Variants in E2F3 observed in about 807,000 individuals in gnomAD.
E2F3 encodes transcription factor E2F3.
In E2F3, 11 loss-of-function variants were observed where a neutral mutation model predicts 44.4. That is an observed-to-expected ratio of 0.25 (90% CI 0.16 to 0.41). E2F3 has a LOEUF of 0.41. E2F3 is among the 10% of genes least tolerant of loss of function. The probability of loss-of-function intolerance (pLI) is 1.00; values close to 1 mark genes in which losing one functional copy is unlikely to be tolerated. For synonymous variants in E2F3, 249 were observed against 253.0 expected, an observed-to-expected ratio of 0.98 and a Z score of 0.15; for missense variants, 487 against 583.6, an observed-to-expected ratio of 0.83 and a Z score of 1.70.
intron 1 of E2F3, among the ~76,000 whole-genome samples, chr6:20,466,168 A>C (rs1415761056): frequency 6.6e-6 from 1 of 152,030 alleles, no homozygotes; most frequent in Non-Finnish European, 1.5e-5. Flanking sequence ...GCTGGAGTGC[A>C]GTGTCGTGAT....
chr6:20,420,248 G>T (rs988064758), intron 1 of E2F3, among the ~76,000 whole-genome samples: 8 of 152,174 alleles, frequency 5.3e-5, no homozygotes, highest in Non-Finnish European at 1.5e-5. Flanking sequence ...TCTATAAAGT[G>T]GGTGTGATTA....
Position 20,493,201 on chromosome 6 carries a change from A to C in E2F3, c.*2771A>C, listed in dbSNP as rs191574805. 5 of 226,578 alleles carry C rather than the reference A, an allele frequency of 2.2e-5. No individual in the cohort carries two copies. The East Asian group carries it at 3.2e-4, about 14-fold the overall frequency. The allele number at this position is 226,578 out of a possible 1,614,324, so 14.0% of individuals were successfully genotyped here. A position where few individuals can be genotyped will look rare whatever the true frequency, so the allele number is the denominator to read the frequency against. ...TCTAGCTGCTTTGTAATTTTTTAAG[A>C]GTGTTATTTTGTTTTTGTTTTTCTG... is the stretch of plus-strand genomic sequence containing the variant. On this transcript the variant is annotated 3_prime_UTR_variant, in exon 7 of 7. Transcript: ENST00000346618.
intron 1 of E2F3, among the ~76,000 whole-genome samples, chr6:20,475,596 G>C (rs1211912272): frequency 1.3e-5 from 2 of 152,188 alleles, no homozygotes; most frequent in Non-Finnish European, 2.9e-5. Flanking sequence ...CCACCTCCCA[G>C]GTTCAAGCAA....
intron 1 of E2F3, among the ~76,000 whole-genome samples, chr6:20,405,113 T>C (rs891394729): frequency 2.0e-5 from 3 of 152,342 alleles, no homozygotes; most frequent in Admixed American, 6.5e-5. Context: ...TATATCTAGT[T>C]CATTGTATTT....
chr6:20,429,543 A>G (rs1294492257), intron 1 of E2F3, among the ~76,000 whole-genome samples: 5 of 152,300 alleles, frequency 3.3e-5, no homozygotes, highest in African/African-American at 9.6e-5. Flanking sequence ...GGGTCTTGGA[A>G]TGTATCCTCG....
intron 1 of E2F3, among the ~76,000 whole-genome samples, chr6:20,450,045 T>C (rs1459042195): frequency 6.6e-6 from 1 of 152,208 alleles, no homozygotes; most frequent in Non-Finnish European, 1.5e-5. Flanking sequence ...GTTGATTCCA[T>C]GTCTTTGCTA....
chr6:20,412,559 G>A (rs1759710259), intron 1 of E2F3, among the ~76,000 whole-genome samples: 1 of 151,986 alleles, frequency 6.6e-6, no homozygotes, highest in African/African-American at 2.4e-5. Flanking sequence ...GGATGTGTTG[G>A]CAAAACTGAT....
At chr6:20,436,066 C>A (rs914072774) in intron 1 of E2F3, among the ~76,000 whole-genome samples, 1 of 151,124 alleles carries the variant, frequency 6.6e-6, no homozygotes, top group African/African-American at 2.4e-5. Flanking sequence ...CTGCAACCTC[C>A]GCCTCCTGGA....
chr6:20,459,146 C>T (rs576182077), intron 1 of E2F3, among the ~76,000 whole-genome samples: 1 of 152,168 alleles, frequency 6.6e-6, no homozygotes, highest in Non-Finnish European at 1.5e-5. Context: ...GTGGCCGACA[C>T]CTGTAATCCC....
At chr6:20,479,022 A>G (rs979442217) in intron 1 of E2F3, among the ~76,000 whole-genome samples, 1 of 152,208 alleles carries the variant, frequency 6.6e-6, no homozygotes, top group Admixed American at 6.5e-5. Context: ...CCCAATGCCT[A>G]GGTACCTAGA....
chr6:20,475,581 A>G (rs1383697379), intron 1 of E2F3, among the ~76,000 whole-genome samples: 6 of 152,152 alleles, frequency 3.9e-5, no homozygotes, highest in Non-Finnish European at 8.8e-5. Flanking sequence ...CGGAGGCACC[A>G]ACCTCCACCT....
intron 1 of E2F3, among the ~76,000 whole-genome samples, chr6:20,414,901 T>A (rs1465847206): frequency 6.6e-6 from 1 of 152,244 alleles, no homozygotes; most frequent in Non-Finnish European, 1.5e-5. Flanking sequence ...TGACCTTTTA[T>A]AAATTACATC....
Position 20,444,422 on chromosome 6 carries a change from A to G in E2F3, c.394-35424A>G, listed in dbSNP as rs187464691. ...TTGAATTCCATTTTTAAGTGCAGCT[A>G]CAGTTGATACCTTAGACAAATGAAA... On this transcript the variant is annotated intron_variant, in intron 1 of 6. Transcript: ENST00000346618. 6.6e-5 allele frequency among the ~76,000 whole-genome samples: 10 copies of G among 152,358 alleles called. No individual in the cohort carries two copies. In the East Asian group the frequency reaches 1.9e-3, roughly 29 times the overall value.
intron 1 of E2F3, among the ~76,000 whole-genome samples, chr6:20,412,229 G>A (rs1374538740): frequency 2.0e-5 from 3 of 152,182 alleles, no homozygotes; most frequent in Admixed American, 6.5e-5. Flanking sequence ...GCTGGGCCGT[G>A]AGATGGGGAG....
chr6:20,440,568 A>G (rs1019458209), intron 1 of E2F3, among the ~76,000 whole-genome samples: 5 of 152,218 alleles, frequency 3.3e-5, no homozygotes, highest in African/African-American at 1.2e-4. Context: ...TACCAGTAGA[A>G]AAAAGGCTGT....
intron 6 of E2F3, among the ~76,000 whole-genome samples, chr6:20,488,555 A>C (rs1762464561): frequency 1.3e-5 from 2 of 152,226 alleles, no homozygotes; most frequent in Admixed American, 1.3e-4. Flanking sequence ...CATCAGAGAC[A>C]CTTGGCCACA....
Position 20,402,515 on chromosome 6 carries a change from G to A in E2F3, c.283G>A (p.Ala95Thr), listed in dbSNP as rs751472455. The A allele has an allele frequency of 3.6e-5, 57 of 1,601,790 alleles. No individual in the cohort carries two copies. The highest frequency in any genetic ancestry group is 5.9e-6 in the Non-Finnish European group (7 of 1,178,666). The stretch of plus-strand genomic sequence containing the variant: ...CAGTGCCCCCGGCGCGGAGCAGACC[G>A]CCGGCAGCCTCCTCTACACCACGCC... ...LPSAPGAEQT[A>T]GSLLYTTPHG... The change falls in exon 1 of 7, where the codon GCC (alanine) becomes ACC (threonine). Residue 95 changes from alanine (A) to threonine (T), a missense_variant. Physicochemically the swap from Ala to Thr is moderately conservative, Grantham distance 58 (BLOSUM62 0). Around this residue, in one of 3 missense-constraint regions of E2F3, gnomAD observed 238 missense variants for 236.0 expected, o/e 1.01. Transcript: ENST00000346618. The surrounding 1 kb of genome is among the most constrained non-coding windows in gnomAD (Gnocchi z 5.6).
intron 1 of E2F3, among the ~76,000 whole-genome samples, chr6:20,478,934 C>T (rs1045619876): frequency 1.3e-5 from 2 of 152,190 alleles, no homozygotes; most frequent in Admixed American, 6.5e-5. Context: ...CATACCCATA[C>T]AATTAGTACT....
chr6:20,415,638 A>G (rs1202095224), intron 1 of E2F3, among the ~76,000 whole-genome samples: 5 of 152,222 alleles, frequency 3.3e-5, no homozygotes, highest in Non-Finnish European at 5.9e-5. Context: ...TCTTCTATAT[A>G]TAGTACATAT....
Sources: gnomAD v4.1 joint callset for allele counts (sites outside exome capture counted in the v4.1 genomes callset) on GRCh38, gnomAD v4.1.1 for gene constraint, gnomAD v4.1.1 regional missense constraint, Gnocchi (gnomAD v3.1) non-coding constraint, MANE v1.5 for transcripts, NCBI Gene and HGNC (gene_info 2026-07-23, HGNC 2026-07-21) for gene names.